Variants in POLR3G observed in about 807,000 individuals in gnomAD.
POLR3G encodes the protein RNA polymerase III subunit G, also known as DNA-directed RNA polymerase III subunit RPC7.
POLR3G carries 28 observed loss-of-function variants against 30.1 expected under a neutral mutation model. The observed-to-expected ratio is 0.93, with a 90% CI of 0.69 to 1.27. The LOEUF is 1.27. Ranked by LOEUF, POLR3G falls within the 50% of genes most tolerant of loss-of-function variation. The pLI is 0.00. For missense variants in POLR3G, 254 were observed against 264.6 expected, an observed-to-expected ratio of 0.96 and a Z score of 0.28; for synonymous variants, 79 against 82.5, an observed-to-expected ratio of 0.96 and a Z score of 0.23.
intron 7 of POLR3G, among the ~76,000 whole-genome samples, chr5:90,510,742 GA>G (rs1052856541): frequency 6.6e-6 from 1 of 151,844 alleles, no homozygotes; most frequent in Admixed American, 6.6e-5. Context: ...GCTGAATGCA[GA>G]AACTTAAAGT....
intron 7 of POLR3G, among the ~76,000 whole-genome samples, chr5:90,511,852 A>C (rs556958621): frequency 3.9e-4 from 59 of 152,318 alleles, no homozygotes; most frequent in Middle Eastern, 3.4e-3. Context: ...TGGTATGGGC[A>C]ACCCTTCATG....
chr5:90,488,668 A>G (rs1167764592), intron 3 of POLR3G, among the ~76,000 whole-genome samples: 1 of 152,146 alleles, frequency 6.6e-6, no homozygotes, highest in Non-Finnish European at 1.5e-5. Flanking sequence ...TGTATATATA[A>G]TGCCGTGATT....
At chr5:90,482,966 C>T (rs1288080582) in intron 1 of POLR3G, among the ~76,000 whole-genome samples, 2 of 152,044 alleles carry the variant, frequency 1.3e-5, no homozygotes, top group Non-Finnish European at 2.9e-5. Context: ...CATGGAGAAA[C>T]CCCGTCTCTA....
In POLR3G at chr5:90,495,752, A is replaced by G. The variant is rs1751953247; in HGVS notation, c.304+19A>G. On this transcript the variant is annotated intron_variant, in intron 4 of 7. Transcript: ENST00000651687. ...ATACCAGGTAACTACAAAACACACAATATGAAAACAGTTTTTAAAGGCTGT... is the reference window on the plus strand; with the variant it reads ...ATACCAGGTAACTACAAAACACACAGTATGAAAACAGTTTTTAAAGGCTGT... 2 of 1,571,806 alleles carry G rather than the reference A, an allele frequency of 1.3e-6. No homozygotes were observed. The highest frequency in any genetic ancestry group is 2.3e-5 in the East Asian group (1 of 42,934).
intron 3 of POLR3G, 50 bp downstream of exon 3, chr5:90,488,179 C>G: frequency 7.0e-7 from 1 of 1,424,112 alleles, no homozygotes; most frequent in South Asian, 1.8e-5. Flanking sequence ...ACAGATGAAA[C>G]AGTGTTTAAG....
chr5:90,486,032 C>G (rs1751423380), intron 2 of POLR3G, among the ~76,000 whole-genome samples: 1 of 152,188 alleles, frequency 6.6e-6, no homozygotes, highest in Non-Finnish European at 1.5e-5. Context: ...CACCCTATCA[C>G]ACCTTCACTT....
intron 5 of POLR3G, among the ~76,000 whole-genome samples, chr5:90,499,656 TAAGAG>T (rs1156538772): frequency 1.3e-5 from 2 of 152,262 alleles, no homozygotes; most frequent in African/African-American, 2.4e-5. Context: ...GGTTATCAAC[TAAGAG>T]AAGAGAAGAG....
chr5:90,484,100 C>G (rs1751287699), intron 1 of POLR3G, among the ~76,000 whole-genome samples: 1 of 152,128 alleles, frequency 6.6e-6, no homozygotes, highest in Non-Finnish European at 1.5e-5. Flanking sequence ...TGACTCTTGC[C>G]CAATCCTCAC....
At chr5:90,486,367 G>C (rs1161513356) in intron 2 of POLR3G, among the ~76,000 whole-genome samples, 2 of 152,166 alleles carry the variant, frequency 1.3e-5, no homozygotes, top group African/African-American at 4.8e-5. Context: ...TTAAAAACAA[G>C]CTCTTTTCCA....
At chr5:90,508,444 T>C (rs573231008) in intron 7 of POLR3G, among the ~76,000 whole-genome samples, 31 of 152,100 alleles carry the variant, frequency 2.0e-4, no homozygotes, top group African/African-American at 7.2e-4. Context: ...TTTTAACCTC[T>C]TTTTCTGCTT....
chr5:90,486,984 A>G (rs1474882480), intron 2 of POLR3G, among the ~76,000 whole-genome samples: 8 of 152,200 alleles, frequency 5.3e-5, no homozygotes, highest in African/African-American at 1.9e-4. Context: ...CTCTGAAATC[A>G]GAAATGTCTT....
At position 90,488,143 on chromosome 5, in the gene POLR3G, G is replaced by A; in HGVS notation, c.247+14G>A. The A allele has an allele frequency of 6.3e-7, 1 of 1,587,454 alleles. No homozygotes were observed. The highest frequency in any genetic ancestry group is 8.6e-7 in the Non-Finnish European group (1 of 1,169,504). Reference sequence around the variant, plus strand: ...AAGAAAGACAAGGTACTGTATTGGAGTCTTTGATTATGTGGCTTAATGTAT... The same window carrying A: ...AAGAAAGACAAGGTACTGTATTGGAATCTTTGATTATGTGGCTTAATGTAT... On this transcript the variant is annotated intron_variant, in intron 3 of 7. Coordinates refer to ENST00000651687, the MANE Select transcript of POLR3G (RefSeq NM_006467.3).
chr5:90,474,157 T>C, upstream of POLR3G: 4 of 1,598,494 alleles, frequency 2.5e-6, no homozygotes, highest in Non-Finnish European at 3.4e-6. Context: ...CCCAGGCCTG[T>C]ATCGATCACC....
rs1399546572 is a variant in POLR3G at position 90,485,699 on chromosome 5, A to G, written c.117+15A>G. The G allele has an allele frequency of 6.4e-7, 1 of 1,551,408 alleles. No individual in the cohort carries two copies. Among genetic ancestry groups the G allele is most frequent in the Admixed American group, 1.7e-5 (1 of 58,044 alleles). ...CACTATTTCCTGTAAGTATATGAACAGTTGAATTCTCATAGTGTGTTTTTT... is the reference window on the plus strand; with the variant it reads ...CACTATTTCCTGTAAGTATATGAACGGTTGAATTCTCATAGTGTGTTTTTT... On this transcript the variant is annotated intron_variant, in intron 2 of 7. Coordinates refer to ENST00000651687, the MANE Select transcript of POLR3G (RefSeq NM_006467.3).
intron 7 of POLR3G, among the ~76,000 whole-genome samples, chr5:90,510,310 A>G (rs933879912): frequency 3.9e-5 from 6 of 152,088 alleles, no homozygotes; most frequent in Non-Finnish European, 7.4e-5. Context: ...CCAGGGAGGC[A>G]GAGCTTTCAG....
At chr5:90,509,547 G>A (rs769640864) in intron 7 of POLR3G, among the ~76,000 whole-genome samples, 2 of 152,202 alleles carry the variant, frequency 1.3e-5, no homozygotes, top group Non-Finnish European at 2.9e-5. Flanking sequence ...TATAAGAGAT[G>A]CTGTGGGCAC....
chr5:90,499,112 CA>C, intron 5 of POLR3G, among the ~76,000 whole-genome samples: 1 of 152,220 alleles, frequency 6.6e-6, no homozygotes. Context: ...TTCTTGGATA[CA>C]GGGGAATGGA....
intron 2 of POLR3G, among the ~76,000 whole-genome samples, chr5:90,487,537 G>A (rs1045661671): frequency 5.3e-5 from 8 of 151,530 alleles, no homozygotes; most frequent in Non-Finnish European, 1.2e-4. Flanking sequence ...GAATACAGGT[G>A]CCCGCCACCA....
chr5:90,483,251 C>G (rs960114778), intron 1 of POLR3G, among the ~76,000 whole-genome samples: 2 of 151,972 alleles, frequency 1.3e-5, no homozygotes, highest in African/African-American at 4.8e-5. Flanking sequence ...GTGAATTACT[C>G]TTTCTGTATT....
Sources: gnomAD v4.1 joint callset for allele counts (sites outside exome capture counted in the v4.1 genomes callset) on GRCh38, gnomAD v4.1.1 for gene constraint, MANE v1.5 for transcripts, NCBI Gene and HGNC (gene_info 2026-07-23, HGNC 2026-07-21) for gene names.